TMEM273: variants seen among roughly 807,000 people sequenced by gnomAD.
TMEM273 encodes chromosome 10 open reading frame 128.
Under a neutral mutation model 17.9 loss-of-function variants are expected in TMEM273, and 19 were observed. The ratio of observed to expected loss-of-function variants is 1.06; its 90% CI spans 0.74 to 1.55. The LOEUF (loss-of-function observed/expected upper bound fraction) is 1.55, where lower values mean the gene tolerates loss of function less well. Among genes scored for constraint, TMEM273 ranks in the 40% most tolerant of loss-of-function variants. The probability of loss-of-function intolerance (pLI) is 0.00; values close to 1 mark genes in which losing one functional copy is unlikely to be tolerated. For missense variants in TMEM273, 194 were observed against 155.6 expected (o/e 1.25, Z -1.31); for synonymous variants, 66 against 62.0 (o/e 1.07, Z -0.31).
At chr10:49,156,386 G>T in intron 6 of TMEM273, 1 of 824,060 alleles carries the variant, frequency 1.2e-6, no homozygotes. Context: ...TGATGAAAGG[G>T]AAGGGCAGCA....
intron 6 of TMEM273, among the ~76,000 whole-genome samples, chr10:49,158,182 T>G (rs1490627926): frequency 6.6e-6 from 1 of 152,168 alleles, no homozygotes. Context: ...TCAGATAATT[T>G]TTTATGAAAA....
intron 5 of TMEM273, among the ~76,000 whole-genome samples, chr10:49,162,306 T>A (rs1845893901): frequency 6.6e-6 from 1 of 152,112 alleles, no homozygotes. Context: ...TACACACACA[T>A]ATACACAGGC....
At chr10:49,187,590 A>G (rs1308849570) in intron 1 of TMEM273, among the ~76,000 whole-genome samples, 1 of 152,022 alleles carries the variant, frequency 6.6e-6, no homozygotes, top group East Asian at 1.9e-4. Flanking sequence ...GTCTCCATCT[A>G]TGCATATTTC....
rs1286349532 is a variant in TMEM273 at position 49,165,774 on chromosome 10, T to A, written c.261A>T (p.Arg87Ser). 6.2e-7 allele frequency: 1 copy of A among 1,614,144 alleles called. No homozygotes were observed. The highest frequency in any genetic ancestry group is 1.3e-5 in the African/African-American group (1 of 75,040). Residue 87 changes from arginine (R) to serine (S), a missense_variant, in exon 4 of 7, where the codon AGA becomes AGT. By Grantham distance (110) the Arg-to-Ser change is moderately radical. Transcript: ENST00000374153. Reference protein sequence around the residue: ...GLSDTIPLKKRAPRKLQASTL... With the variant: ...GLSDTIPLKKSAPRKLQASTL... ...GTGGGCAGTGACCTTACCTTGGGGC[T>A]CTCTTCTTTAGCGGGATGGTGTCTA...
At chr10:49,172,426 G>T (rs980707090) in intron 1 of TMEM273, among the ~76,000 whole-genome samples, 1 of 152,180 alleles carries the variant, frequency 6.6e-6, no homozygotes, top group Non-Finnish European at 1.5e-5. Context: ...TGCAGAGTGG[G>T]CACTGGTGCA....
chr10:49,155,378 GT>G lies in TMEM273; in HGVS notation c.*513del, dbSNP rs1333905973. The stretch of plus-strand genomic sequence containing the variant: ...CGATAGGGCTAGAGACCATCCCGGA[GT>G]CCCCATGTTTCAGGACTCCCGAATC... On this transcript the variant is annotated 3_prime_UTR_variant, in exon 7 of 7. Coordinates refer to ENST00000374153, the MANE Select transcript of TMEM273 (RefSeq NM_001288740.3). The G allele has an allele frequency of 5.8e-6, 1 of 172,464 alleles. No homozygotes were observed. The highest frequency in any genetic ancestry group is 1.7e-4 in the East Asian group (1 of 6,028). 10.7% of individuals were successfully genotyped at this position (172,464 alleles called of 1,614,324 possible). A position where few individuals can be genotyped will look rare whatever the true frequency, so the allele number is the denominator to read the frequency against.
Position 49,188,309 on chromosome 10 carries a change from TCC to T in TMEM273, c.26_27del (p.Arg9AsnfsTer22), listed in dbSNP as rs1220870678. MNLGVSML[R>X]ILFLLDVGGA... is the part of the protein sequence containing the mutation. Reference sequence around the variant, plus strand: ...CCCCACTTACCCAGGAGGAAGAGGATCCTCAGCATGCTGACCCCCAAGTTCAT... The same window carrying T: ...CCCCACTTACCCAGGAGGAAGAGGATTCAGCATGCTGACCCCCAAGTTCAT... On this transcript the variant is annotated frameshift_variant, in exon 1 of 7. Coordinates refer to ENST00000374153, the MANE Select transcript of TMEM273 (RefSeq NM_001288740.3). LOFTEE classifies it high-confidence loss of function. 1.9e-6 allele frequency: 3 copies of T among 1,614,066 alleles called. No individual in the cohort carries two copies. The South Asian group carries it at 3.3e-5, about 18-fold the overall frequency.
At chr10:49,156,561 G>C (rs1845522595) in intron 6 of TMEM273, among the ~76,000 whole-genome samples, 1 of 152,198 alleles carries the variant, frequency 6.6e-6, no homozygotes. Context: ...GTTTCACATA[G>C]ACATCTAGAA....
intron 1 of TMEM273, among the ~76,000 whole-genome samples, chr10:49,172,989 A>G (rs547925294): frequency 6.6e-6 from 1 of 152,312 alleles, no homozygotes; most frequent in African/African-American, 2.4e-5. Flanking sequence ...GGGGCAGAAG[A>G]TCCAATTCAG....
At chr10:49,169,464 A>G (rs1157832948) in intron 1 of TMEM273, among the ~76,000 whole-genome samples, 1 of 152,098 alleles carries the variant, frequency 6.6e-6, no homozygotes, top group Non-Finnish European at 1.5e-5. Context: ...AGAGTTCAGA[A>G]TTTTTTCCGG....
chr10:49,164,558 C>T (rs548980119), intron 5 of TMEM273, among the ~76,000 whole-genome samples: 22 of 152,240 alleles, frequency 1.4e-4, no homozygotes, highest in Admixed American at 1.4e-3. Context: ...TTGCTTAACA[C>T]AAGCCCCTCT....
rs528224738 is a variant in TMEM273 at position 49,168,948 on chromosome 10, C to T, written c.44-986G>A. Among the ~76,000 whole-genome samples, 12 of 152,292 alleles carry T rather than the reference C, an allele frequency of 7.9e-5. No homozygotes were observed. In the South Asian group the frequency reaches 1.5e-3, roughly 18 times the overall value. On this transcript the variant is annotated intron_variant, in intron 1 of 6. Transcript: ENST00000374153. ...GCATTAATATATGTAATACTCACAG[C>T]AACAACTCTGTGAGATAAGTACTGT... is the stretch of plus-strand genomic sequence containing the variant.
At chr10:49,163,031 G>A (rs1590190579) in intron 5 of TMEM273, among the ~76,000 whole-genome samples, 1 of 152,162 alleles carries the variant, frequency 6.6e-6, no homozygotes, top group Non-Finnish European at 1.5e-5. Flanking sequence ...ACACCCTCCT[G>A]GCCAGGTGCC....
chr10:49,162,214 G>T lies in TMEM273; in HGVS notation c.349-592C>A, dbSNP rs141661989. ...CTCATTCAGCAGTGTTTTCAAATGG[G>T]TCTGTGTTGTATTGCTCACAGCAGC... On this transcript the variant is annotated intron_variant, in intron 5 of 6. Transcript: ENST00000374153. 2.4e-4 allele frequency among the ~76,000 whole-genome samples: 37 copies of T among 152,284 alleles called. 1 individual carries two copies. In the East Asian group the frequency reaches 7.1e-3, roughly 29 times the overall value.
intron 6 of TMEM273, chr10:49,160,748 G>T (rs1450565798): frequency 6.6e-6 from 1 of 152,124 alleles, no homozygotes; most frequent in Non-Finnish European, 1.5e-5. Context: ...ACACTAATTT[G>T]CAAGTAGATC....
At chr10:49,161,306 A>G (rs559916020) in intron 6 of TMEM273, 38 of 484,410 alleles carry the variant, frequency 7.8e-5, no homozygotes, top group African/African-American at 6.9e-4. Flanking sequence ...ATCATAGGAT[A>G]GGTCTTGGAG....
intron 1 of TMEM273, chr10:49,178,070 C>G (rs1047253722): frequency 2.5e-6 from 1 of 403,864 alleles, no homozygotes; most frequent in Non-Finnish European, 5.1e-6. Flanking sequence ...TGCCTCCAAC[C>G]CATCTGGGGC....
intron 1 of TMEM273, among the ~76,000 whole-genome samples, chr10:49,175,271 G>A (rs1344004526): frequency 6.6e-6 from 1 of 152,150 alleles, no homozygotes; most frequent in East Asian, 1.9e-4. Context: ...AAAGCAGAGG[G>A]GAGAGTCCTG....
chr10:49,187,828 A>G (rs558971302), intron 1 of TMEM273, among the ~76,000 whole-genome samples: 1 of 152,348 alleles, frequency 6.6e-6, no homozygotes, highest in Admixed American at 6.5e-5. Flanking sequence ...GAGAATTCTG[A>G]TTCAACATTA....
Sources: gnomAD v4.1 joint callset for allele counts (sites outside exome capture counted in the v4.1 genomes callset) on GRCh38, gnomAD v4.1.1 for gene constraint, MANE v1.5 for transcripts, NCBI Gene and HGNC (gene_info 2026-07-23, HGNC 2026-07-21) for gene names.